Variants in RNF169 observed in about 807,000 individuals in gnomAD.
RNF169 encodes the protein E3 ubiquitin-protein ligase RNF169.
In RNF169, 24 loss-of-function variants were observed where a neutral mutation model predicts 53.9. The observed-to-expected ratio is 0.45, with a 90% CI of 0.32 to 0.63. The LOEUF (loss-of-function observed/expected upper bound fraction) is 0.63. RNF169 is among the 20% of genes least tolerant of loss of function. RNF169 has a pLI of 0.04. For synonymous variants in RNF169, 396 were observed against 363.5 expected (o/e 1.09, Z -1.02); for missense variants, 883 against 906.2 (o/e 0.97, Z 0.33).
At chr11:74,828,925 T>C (rs2036136737) in intron 4 of RNF169, among the ~76,000 whole-genome samples, 1 of 152,172 alleles carries the variant, frequency 6.6e-6, no homozygotes, top group Non-Finnish European at 1.5e-5. Context: ...TTCAGGACCA[T>C]AGGCATGGGC....
intron 2 of RNF169, 128 bp from the exon 3 acceptor site, chr11:74,810,056 T>C (rs1173006612): frequency 3.9e-6 from 3 of 774,850 alleles, no homozygotes; most frequent in African/African-American, 1.7e-5. Context: ...GAGGGCTCTA[T>C]AGCTGATAAG....
chr11:74,823,791 G>A (rs1214892071), intron 4 of RNF169, among the ~76,000 whole-genome samples: 1 of 148,632 alleles, frequency 6.7e-6, no homozygotes, highest in Non-Finnish European at 1.5e-5. Flanking sequence ...TGGCATCTAA[G>A]GAACTCTGTC....
chr11:74,791,107 G>C (rs922837580), intron 2 of RNF169, among the ~76,000 whole-genome samples: 5 of 152,194 alleles, frequency 3.3e-5, no homozygotes, highest in Admixed American at 6.5e-5. Flanking sequence ...GACTGAAGTG[G>C]GTAGCTGCTT....
chr11:74,821,510 T>A (rs2036009691), intron 4 of RNF169, among the ~76,000 whole-genome samples: 1 of 115,230 alleles, frequency 8.7e-6, no homozygotes, highest in South Asian at 3.2e-4. Flanking sequence ...TACAAAAAAT[T>A]AGCCGGGCGT....
chr11:74,803,332 G>T (rs970233559), intron 2 of RNF169, among the ~76,000 whole-genome samples: 3 of 152,110 alleles, frequency 2.0e-5, no homozygotes, highest in Non-Finnish European at 4.4e-5. Context: ...TGATCTGCCT[G>T]CCTCGGCCTC....
chr11:74,819,709 T>G (rs996934539), intron 4 of RNF169, among the ~76,000 whole-genome samples: 5 of 152,168 alleles, frequency 3.3e-5, no homozygotes, highest in African/African-American at 1.2e-4. Context: ...TTAGATTCCA[T>G]AGGATTAATA....
Position 74,836,055 on chromosome 11 carries a change from A to G in RNF169, c.1452A>G (p.Leu484=). 1 of 1,614,180 alleles carries G rather than the reference A, an allele frequency of 6.2e-7. No individual in the cohort carries two copies. The highest frequency in any genetic ancestry group is 1.3e-5 in the African/African-American group (1 of 75,052). Reference sequence around the variant, plus strand: ...CACTTGTGGCTGTAAATACAAGATTATCTGGTGGGCAGGTCCTCTCTGAGT... The same window carrying G: ...CACTTGTGGCTGTAAATACAAGATTGTCTGGTGGGCAGGTCCTCTCTGAGT... ...EKPLVAVNTR[L]SGGQVLSEYT... is the part of the protein sequence containing the mutation. The change falls in exon 6 of 6, where the codon TTA becomes TTG. Residue 484 remains leucine, a synonymous_variant. Transcript: ENST00000299563.
At chr11:74,821,887 A>G (rs2036016338) in intron 4 of RNF169, among the ~76,000 whole-genome samples, 1 of 152,204 alleles carries the variant, frequency 6.6e-6, no homozygotes, top group Non-Finnish European at 1.5e-5. Flanking sequence ...TACACCTAAA[A>G]AAATAAAAAG....
At chr11:74,818,655 A>G (rs1287447775) in intron 4 of RNF169, among the ~76,000 whole-genome samples, 1 of 152,144 alleles carries the variant, frequency 6.6e-6, no homozygotes, top group Admixed American at 6.5e-5. Flanking sequence ...CAGCCTCCCA[A>G]AATGCTGGAA....
intron 2 of RNF169, among the ~76,000 whole-genome samples, chr11:74,804,796 C>CGTTAAGAAATGT (rs2035782174): frequency 6.6e-6 from 1 of 151,894 alleles, no homozygotes; most frequent in Admixed American, 6.6e-5. Flanking sequence ...CTATGGACGA[C>CGTTAAGAAATGT]GTTAAGAAAT....
chr11:74,799,864 A>G (rs2035705348), intron 2 of RNF169, among the ~76,000 whole-genome samples: 1 of 151,778 alleles, frequency 6.6e-6, no homozygotes, highest in African/African-American at 2.4e-5. Flanking sequence ...CTGCCACTTA[A>G]TAAACATGTT....
intron 2 of RNF169, chr11:74,807,594 A>G (rs2035823141): frequency 6.6e-6 from 1 of 152,198 alleles, no homozygotes; most frequent in South Asian, 2.1e-4. Flanking sequence ...TTTAATGTCT[A>G]TGATTTGAAT....
At chr11:74,819,642 G>C (rs2035983443) in intron 4 of RNF169, among the ~76,000 whole-genome samples, 1 of 152,158 alleles carries the variant, frequency 6.6e-6, no homozygotes, top group African/African-American at 2.4e-5. Flanking sequence ...ATGCAGCAGA[G>C]GGCCTCTAGG....
intron 4 of RNF169, among the ~76,000 whole-genome samples, 172 bp from the exon 5 acceptor site, chr11:74,834,504 A>G (rs944301298): frequency 2.0e-5 from 3 of 152,232 alleles, no homozygotes. Flanking sequence ...TTTTGGCAGA[A>G]TTTCTATTCA....
chr11:74,829,769 C>T (rs1302969477), intron 4 of RNF169, among the ~76,000 whole-genome samples: 2 of 152,128 alleles, frequency 1.3e-5, no homozygotes, highest in Non-Finnish European at 2.9e-5. Context: ...CACATATTCT[C>T]ATTTATAAAG....
At chr11:74,770,535 T>C (rs1188044486) in intron 1 of RNF169, among the ~76,000 whole-genome samples, 3 of 152,242 alleles carry the variant, frequency 2.0e-5, no homozygotes, top group Admixed American at 6.5e-5. Context: ...TCTAAACATA[T>C]CTACCAGTAG....
intron 4 of RNF169, chr11:74,831,084 A>G (rs2036171125): frequency 6.6e-6 from 1 of 152,248 alleles, no homozygotes; most frequent in Non-Finnish European, 1.5e-5. Context: ...TCCCAGTAGC[A>G]GGAACAAGAT....
rs764493682 is a variant in RNF169 at position 74,821,653 on chromosome 11, G to A, written c.842+3939G>A. Among the ~76,000 whole-genome samples, 9 of 105,002 alleles carry A rather than the reference G, an allele frequency of 8.6e-5. 2 individuals carry two copies. Among genetic ancestry groups the A allele is most frequent in the Middle Eastern group, 0.011 (2 of 188 alleles). The allele number at this position is 105,002 out of a possible 152,430, so 68.9% of individuals were successfully genotyped here. A position where few individuals can be genotyped will look rare whatever the true frequency, so the allele number is the denominator to read the frequency against. ...AGCCTGGGCGACAGAGCGAGACTCC[G>A]TCTCAAAAAAAAAAAAAAAAAAAAA... On this transcript the variant is annotated intron_variant, in intron 4 of 5. Transcript: ENST00000299563.
At chr11:74,825,852 A>T (rs1365324877) in intron 4 of RNF169, among the ~76,000 whole-genome samples, 1 of 152,206 alleles carries the variant, frequency 6.6e-6, no homozygotes, top group Non-Finnish European at 1.5e-5. Flanking sequence ...CACTGCTATA[A>T]AGAACGGCCC....
Sources: allele counts gnomAD v4.1 joint callset (sites outside exome capture counted in the v4.1 genomes callset), GRCh38; gene constraint gnomAD v4.1.1; transcripts MANE v1.5; gene names NCBI Gene and HGNC (gene_info 2026-07-23, HGNC 2026-07-21).